Variants in MTCL1 observed in about 807,000 individuals in gnomAD.
The protein encoded by MTCL1 is microtubule crosslinking factor 1.
In MTCL1, 79 loss-of-function variants were observed where a neutral mutation model predicts 141.4. The observed-to-expected ratio is 0.56, with a 90% CI of 0.47 to 0.67. The LOEUF is 0.67. Among genes scored for constraint, MTCL1 ranks in the 30% least tolerant of loss-of-function variants. The probability of loss-of-function intolerance (pLI) is 0.00; values close to 1 mark genes in which losing one functional copy is unlikely to be tolerated. For missense variants in MTCL1, 2,177 were observed against 2,113.9 expected (o/e 1.03, Z -0.59); for synonymous variants, 914 against 875.8 (o/e 1.04, Z -0.77).
At chr18:8,758,020 CTTT>C (rs1162855433) in intron 4 of MTCL1, among the ~76,000 whole-genome samples, 10 of 126,858 alleles carry the variant, frequency 7.9e-5, no homozygotes, top group Admixed American at 2.4e-4. Flanking sequence ...AGCACCCAGT[CTTT>C]TTTTTTTTTT....
chr18:8,805,668 A>G (rs1784121991), intron 10 of MTCL1, among the ~76,000 whole-genome samples: 1 of 152,074 alleles, frequency 6.6e-6, no homozygotes, highest in Admixed American at 6.5e-5. Flanking sequence ...TTGGGGGATG[A>G]GGAATTCTGA....
chr18:8,824,869 C>G, exon 15 of MTCL1: 1 of 1,614,006 alleles, frequency 6.2e-7, no homozygotes. Flanking sequence ...GACTACACAC[C>G]CAACAGGGGC....
chr18:8,776,592 A>G (rs1341201817), intron 4 of MTCL1, among the ~76,000 whole-genome samples: 1 of 152,166 alleles, frequency 6.6e-6, no homozygotes, highest in Non-Finnish European at 1.5e-5. Flanking sequence ...GATCTTTAAG[A>G]TAGAGGTTTA....
intron 4 of MTCL1, among the ~76,000 whole-genome samples, chr18:8,742,545 A>T (rs976785527): frequency 6.6e-6 from 1 of 152,114 alleles, no homozygotes; most frequent in African/African-American, 2.4e-5. Context: ...TCTCCTGAGA[A>T]CTCACTCACT....
At chr18:8,718,805 TTA>T (rs2096147977) in intron 3 of MTCL1, among the ~76,000 whole-genome samples, 157 bp downstream of exon 2, 1 of 152,178 alleles carries the variant, frequency 6.6e-6, no homozygotes, top group South Asian at 2.1e-4. Context: ...GTGTGTGTAG[TTA>T]TATGACTTTG....
chr18:8,730,221 G>A (rs957896589), intron 4 of MTCL1, among the ~76,000 whole-genome samples: 5 of 152,024 alleles, frequency 3.3e-5, no homozygotes, highest in African/African-American at 7.2e-5. Flanking sequence ...TTCTTGGTGC[G>A]GAGTCCGTGC....
intron 4 of MTCL1, among the ~76,000 whole-genome samples, chr18:8,730,707 G>T (rs1257116634): frequency 6.6e-6 from 1 of 152,174 alleles, no homozygotes; most frequent in Non-Finnish European, 1.5e-5. Context: ...GGCTCCGGGG[G>T]ACCTTTTAGG....
intron 4 of MTCL1, among the ~76,000 whole-genome samples, chr18:8,732,268 AATTT>A (rs1218246658): frequency 6.6e-6 from 1 of 151,234 alleles, no homozygotes; most frequent in Non-Finnish European, 1.5e-5. Context: ...TGATTTTTTA[AATTT>A]ATTTATTTAT....
exon 9 of MTCL1, chr18:8,796,344 A>G (rs1244152103): frequency 6.2e-7 from 1 of 1,614,122 alleles, no homozygotes; most frequent in Admixed American, 1.7e-5. Flanking sequence ...AATCTGATGC[A>G]GCAGGAGCTC....
intron 4 of MTCL1, among the ~76,000 whole-genome samples, chr18:8,729,471 G>C (rs1001815474): frequency 6.6e-6 from 1 of 151,600 alleles, no homozygotes; most frequent in African/African-American, 2.4e-5. Context: ...TGGTATACTC[G>C]TGATGTACTG....
At chr18:8,800,117 T>G (rs1181227290) in intron 10 of MTCL1, among the ~76,000 whole-genome samples, 1 of 152,216 alleles carries the variant, frequency 6.6e-6, no homozygotes, top group Non-Finnish European at 1.5e-5. Context: ...CGAGCTCTAC[T>G]GTAACGACAG....
intron 1 of MTCL1, among the ~76,000 whole-genome samples, chr18:8,710,823 G>A (rs1047541079): frequency 1.3e-4 from 14 of 111,042 alleles, no homozygotes; most frequent in South Asian, 6.1e-4. Context: ...TTGAATTTTG[G>A]TATGGAAGGC....
At position 8,828,359 on chromosome 18, in the gene MTCL1, C is replaced by G. The variant is rs1167292367; in HGVS notation, c.4723-549C>G. ...TTCTCTTGACACCATGGCACTAGTT[C>G]AGCAGTGCAGAGAGAAGCCGTGAGG... is the stretch of plus-strand genomic sequence containing the variant. On this transcript the variant is annotated intron_variant, in intron 15 of 16. Coordinates refer to ENST00000359865, the Ensembl canonical transcript of MTCL1. The surrounding 1 kb of genome is among the most constrained non-coding windows in gnomAD (Gnocchi z 5.2). Among the ~76,000 whole-genome samples the G allele has an allele frequency of 6.6e-6, 1 of 152,178 alleles. No homozygotes were observed. Among genetic ancestry groups the G allele is most frequent in the Non-Finnish European group, 1.5e-5 (1 of 68,026 alleles).
At chr18:8,762,727 C>T (rs991426511) in intron 4 of MTCL1, among the ~76,000 whole-genome samples, 18 of 152,140 alleles carry the variant, frequency 1.2e-4, no homozygotes, top group African/African-American at 4.3e-4. Flanking sequence ...AAGACATCGG[C>T]ACACACAGCA....
chr18:8,778,017 C>T (rs2096518250), intron 5 of MTCL1, 125 bp downstream of exon 4: 2 of 804,474 alleles, frequency 2.5e-6, no homozygotes, highest in South Asian at 1.8e-5. Flanking sequence ...TGCCCAAACA[C>T]GTGGACTCAT....
intron 4 of MTCL1, among the ~76,000 whole-genome samples, chr18:8,753,230 C>T (rs1023582999): frequency 1.3e-5 from 2 of 152,204 alleles, no homozygotes; most frequent in African/African-American, 4.8e-5. Flanking sequence ...GTGCTACATT[C>T]CACTGTTAGA....
Position 8,710,463 on chromosome 18 carries a change from T to C in MTCL1, c.1053+3750T>C, listed in dbSNP as rs940744346. 1.2e-3 allele frequency among the ~76,000 whole-genome samples: 105 copies of C among 91,300 alleles called. 1 individual carries two copies. The highest frequency in any genetic ancestry group is 9.8e-3 in the Admixed American group (76 of 7,730). The allele number at this position is 91,300 out of a possible 152,430, so 59.9% of individuals were successfully genotyped here. A position where few individuals can be genotyped will look rare whatever the true frequency, so the allele number is the denominator to read the frequency against. On this transcript the variant is annotated intron_variant, in intron 1 of 13. Transcript: ENST00000306329. ...CATAAAACCCAGGCACTTTCTTTTT[T>C]TTTTTTTTTTTTTTTCTCTTTAATT...
chr18:8,773,098 C>T (rs928878405), intron 4 of MTCL1, among the ~76,000 whole-genome samples: 1 of 152,120 alleles, frequency 6.6e-6, no homozygotes, highest in African/African-American at 2.4e-5. Context: ...CTCCATAGTA[C>T]TCACTCACGA....
At position 8,786,110 on chromosome 18, in the gene MTCL1, TCCCCC is replaced by T. The variant is rs747807625; in HGVS notation, c.1887+26_1887+30del. On this transcript the variant is annotated intron_variant, in intron 7 of 16. Coordinates refer to ENST00000359865, the Ensembl canonical transcript of MTCL1. ...CCTGGAGGTCAGCGTGGGCAAGCAA[TCCCCC>T]CCCCCCGCCCTCCCCCTCCTTTTTC... 2.3e-6 allele frequency: 3 copies of T among 1,310,348 alleles called. No individual in the cohort carries two copies. Among genetic ancestry groups the T allele is most frequent in the Non-Finnish European group, 3.0e-6 (3 of 990,148 alleles). The allele number at this position is 1,310,348 out of a possible 1,614,324, so 81.2% of individuals were successfully genotyped here. A position where few individuals can be genotyped will look rare whatever the true frequency, so the allele number is the denominator to read the frequency against.
Sources: allele counts gnomAD v4.1 joint callset (sites outside exome capture counted in the v4.1 genomes callset), GRCh38; gene constraint gnomAD v4.1.1; non-coding constraint Gnocchi (gnomAD v3.1); transcripts MANE v1.5; gene names NCBI Gene and HGNC (gene_info 2026-07-23, HGNC 2026-07-21).